The following AUTS2 variants were observed in gnomAD, a reference collection of about 807,000 sequenced individuals.
The protein encoded by AUTS2 is activator of transcription and developmental regulator AUTS2.
AUTS2 carries 17 observed loss-of-function variants against 112.4 expected under a neutral mutation model. The ratio of observed to expected loss-of-function variants is 0.15; its 90% CI spans 0.10 to 0.23. AUTS2 has a LOEUF of 0.23. Ranked by LOEUF, AUTS2 falls within the 10% of genes least tolerant of loss-of-function variation. AUTS2 has a pLI of 1.00. For synonymous variants in AUTS2, 751 were observed against 702.7 expected, an observed-to-expected ratio of 1.07 and a Z score of -1.09; for missense variants, 1,510 against 1,701.6, an observed-to-expected ratio of 0.89 and a Z score of 1.98.
At chr7:70,034,036 T>G (rs1800894909) in intron 2 of AUTS2, among the ~76,000 whole-genome samples, 1 of 152,246 alleles carries the variant, frequency 6.6e-6, no homozygotes, top group Admixed American at 6.5e-5. Flanking sequence ...TTGATCATTA[T>G]ACATTATGTA....
chr7:70,035,719 C>G (rs1194823884), intron 2 of AUTS2, among the ~76,000 whole-genome samples: 2 of 152,128 alleles, frequency 1.3e-5, no homozygotes, highest in Non-Finnish European at 2.9e-5. Context: ...CTTCCCGGTT[C>G]CAAGATGATG....
At chr7:70,510,446 T>G (rs1003513379) in intron 5 of AUTS2, among the ~76,000 whole-genome samples, 4 of 152,224 alleles carry the variant, frequency 2.6e-5, no homozygotes, top group African/African-American at 9.6e-5. Flanking sequence ...TTTATTTTCA[T>G]TCCAGTAACA....
chr7:70,156,890 G>GCAAAAA lies in AUTS2; in HGVS notation c.660+22319_660+22320insCAAAAA, dbSNP rs1357928695. ...TAGTGAAACCCCATCTCTACTAAAA[G>GCAAAAA]TAAAAAAAAAAAAAAAAAAAAAAAA... On this transcript the variant is annotated intron_variant, in intron 4 of 18. Coordinates refer to ENST00000342771, the MANE Select transcript of AUTS2 (RefSeq NM_015570.4). 1.8e-3 allele frequency among the ~76,000 whole-genome samples: 11 copies of GCAAAAA among 6,010 alleles called. 1 individual carries two copies. Among genetic ancestry groups the GCAAAAA allele is most frequent in the Non-Finnish European group, 2.3e-3 (8 of 3,470 alleles). 3.9% of individuals were successfully genotyped at this position (6,010 alleles called of 152,430 possible). A position where few individuals can be genotyped will look rare whatever the true frequency, so the allele number is the denominator to read the frequency against.
rs1357094129 is a variant in AUTS2, at chr7:69,826,962, A to G, written c.310-72324A>G. Among the ~76,000 whole-genome samples the G allele has an allele frequency of 5.3e-5, 8 of 152,306 alleles. No individual in the cohort carries two copies. The East Asian group carries it at 1.2e-3, about 22-fold the overall frequency. On this transcript the variant is annotated intron_variant, in intron 1 of 18. Transcript: ENST00000342771. ...TAACATTGTTTATCTGTGAAGGGAT[A>G]AAGAGTCAACACCCATTTCATGTCA...
intron 1 of AUTS2, among the ~76,000 whole-genome samples, chr7:69,757,719 C>A (rs1284074913): frequency 6.6e-6 from 1 of 152,108 alleles, no homozygotes; most frequent in Non-Finnish European, 1.5e-5. Context: ...AATTAATGTT[C>A]TTTTACCGCC....
chr7:69,869,465 AT>A (rs1388233214), intron 1 of AUTS2, among the ~76,000 whole-genome samples: 1 of 151,932 alleles, frequency 6.6e-6, no homozygotes, highest in Non-Finnish European at 1.5e-5. Flanking sequence ...AAAATAAAAT[AT>A]TATTTTTTGT....
At chr7:70,460,125 G>A (rs1796902258) in intron 5 of AUTS2, among the ~76,000 whole-genome samples, 2 of 152,112 alleles carry the variant, frequency 1.3e-5, no homozygotes, top group Non-Finnish European at 2.9e-5. Flanking sequence ...TTTAAAACCA[G>A]CATTCCAAGC....
intron 4 of AUTS2, among the ~76,000 whole-genome samples, chr7:70,240,438 A>T (rs1321304937): frequency 6.6e-6 from 1 of 152,228 alleles, no homozygotes; most frequent in African/African-American, 2.4e-5. Flanking sequence ...TGGGTAAATG[A>T]TGGTAGTACA....
intron 4 of AUTS2, among the ~76,000 whole-genome samples, chr7:70,318,790 T>C (rs1347331498): frequency 6.6e-6 from 1 of 152,190 alleles, no homozygotes; most frequent in African/African-American, 2.4e-5. Flanking sequence ...AGAACTGAGG[T>C]GCAGCCCCCA....
chr7:70,479,927 T>C (rs1797724756), intron 5 of AUTS2, among the ~76,000 whole-genome samples: 1 of 152,226 alleles, frequency 6.6e-6, no homozygotes, highest in Non-Finnish European at 1.5e-5. Flanking sequence ...ATATAAATAA[T>C]AATAGCTTAC....
intron 4 of AUTS2, among the ~76,000 whole-genome samples, chr7:70,151,652 A>G (rs910034849): frequency 1.9e-4 from 29 of 151,978 alleles, no homozygotes; most frequent in African/African-American, 6.5e-4. Context: ...GGGTTTCACC[A>G]TGTTGGCCCG....
At chr7:69,939,511 CT>C (rs1288891726) in intron 2 of AUTS2, among the ~76,000 whole-genome samples, 2 of 152,142 alleles carry the variant, frequency 1.3e-5, no homozygotes, top group African/African-American at 4.8e-5. Context: ...AACTTGATAC[CT>C]TTTGCTTTCA....
At chr7:69,729,910 C>G (rs923389480) in intron 1 of AUTS2, among the ~76,000 whole-genome samples, 1 of 150,742 alleles carries the variant, frequency 6.6e-6, no homozygotes, top group African/African-American at 2.4e-5. Context: ...CAAATTTGAG[C>G]CACATTTATG....
At chr7:70,211,166 TC>T (rs1182839079) in intron 4 of AUTS2, among the ~76,000 whole-genome samples, 1 of 152,120 alleles carries the variant, frequency 6.6e-6, no homozygotes, top group Non-Finnish European at 1.5e-5. Context: ...CGATTTACTC[TC>T]AGGCATGCCA....
intron 1 of AUTS2, among the ~76,000 whole-genome samples, chr7:69,682,251 C>A (rs528793936): frequency 1.2e-4 from 19 of 152,306 alleles, no homozygotes; most frequent in African/African-American, 4.6e-4. Context: ...ATACCTATTA[C>A]ACAGTTAGAA....
intron 4 of AUTS2, among the ~76,000 whole-genome samples, chr7:70,143,437 C>T (rs999381738): frequency 3.3e-5 from 5 of 152,226 alleles, no homozygotes; most frequent in African/African-American, 1.2e-4. Flanking sequence ...TGTACACATA[C>T]ACTTGAAAGG....
intron 5 of AUTS2, among the ~76,000 whole-genome samples, chr7:70,618,378 C>A (rs2129536185): frequency 6.6e-6 from 1 of 152,224 alleles, no homozygotes; most frequent in East Asian, 1.9e-4. Flanking sequence ...CAGCCCTGGC[C>A]CCTCTCCAGC....
chr7:69,958,864 T>C (rs956073114), intron 2 of AUTS2, among the ~76,000 whole-genome samples: 1 of 152,172 alleles, frequency 6.6e-6, no homozygotes, highest in Non-Finnish European at 1.5e-5. Context: ...TGCCTGCCTC[T>C]TTTTGGCATT....
intron 1 of AUTS2, among the ~76,000 whole-genome samples, chr7:69,865,102 G>T (rs1004595176): frequency 6.7e-6 from 1 of 148,676 alleles, no homozygotes; most frequent in Non-Finnish European, 1.5e-5. Context: ...TAGGATGGTA[G>T]GTTTTTTTTT....
Sources: gnomAD v4.1 joint callset for allele counts (sites outside exome capture counted in the v4.1 genomes callset) on GRCh38, gnomAD v4.1.1 for gene constraint, MANE v1.5 for transcripts, NCBI Gene and HGNC (gene_info 2026-07-23, HGNC 2026-07-21) for gene names.